Variants in MAP2K6 observed in about 807,000 individuals in gnomAD.
The protein encoded by MAP2K6 is dual specificity mitogen-activated protein kinase kinase 6.
MAP2K6 carries 16 observed loss-of-function variants against 53.7 expected under a neutral mutation model. The observed-to-expected ratio is 0.30, with a 90% CI of 0.20 to 0.45. The LOEUF (loss-of-function observed/expected upper bound fraction) is 0.45. MAP2K6 is among the 20% of genes least tolerant of loss of function. MAP2K6 has a pLI of 1.00. For missense variants in MAP2K6, 204 were observed against 411.9 expected (o/e 0.50, Z 4.37); for synonymous variants, 132 against 143.1 (o/e 0.92, Z 0.55).
At chr17:69,448,244 G>GTTTTTT (rs66982276) in intron 1 of MAP2K6, among the ~76,000 whole-genome samples, 1 of 138,862 alleles carries the variant, frequency 7.2e-6, no homozygotes, top group Admixed American at 7.1e-5. Context: ...TTTTGTTTTT[G>GTTTTTT]TTTTTTTTTT....
At chr17:69,538,783 G>T (rs1454053086) in intron 11 of MAP2K6, among the ~76,000 whole-genome samples, 1 of 152,184 alleles carries the variant, frequency 6.6e-6, no homozygotes, top group Non-Finnish European at 1.5e-5. Context: ...GTATGACTCA[G>T]TAGAATTTGT....
intron 1 of MAP2K6, among the ~76,000 whole-genome samples, chr17:69,427,557 G>C (rs530727924): frequency 8.5e-5 from 13 of 152,304 alleles, no homozygotes; most frequent in Admixed American, 7.8e-4. Context: ...ACAGTGGGCT[G>C]TTTCTCTGTG....
intron 1 of MAP2K6, among the ~76,000 whole-genome samples, chr17:69,474,881 T>G (rs12936335): frequency 0.14 from 20,801 of 152,224 alleles, 1,823 homozygotes; most frequent in Non-Finnish European, 0.19. Context: ...TCCCCTTTTT[T>G]CTTTAGAAGA....
chr17:69,494,117 G>A lies in MAP2K6; in HGVS notation c.17-11663G>A, dbSNP rs1489992171. On this transcript the variant is annotated intron_variant, in intron 1 of 11. Coordinates refer to ENST00000590474, the MANE Select transcript of MAP2K6 (RefSeq NM_002758.4). This position sits in a 1 kb window ranked among gnomAD's most constrained non-coding sequence, Gnocchi z 4.2. ...GGGATAAGAGCAGCAGAATCCAGTG[G>A]AAAAAACTACAGGACACATGGCCTG... 4.6e-5 allele frequency among the ~76,000 whole-genome samples: 7 copies of A among 152,192 alleles called. No homozygotes were observed. The highest frequency in any genetic ancestry group is 1.0e-4 in the Non-Finnish European group (7 of 68,036).
intron 2 of MAP2K6, among the ~76,000 whole-genome samples, chr17:69,506,635 T>A (rs544356688): frequency 6.6e-6 from 1 of 152,290 alleles, no homozygotes; most frequent in South Asian, 2.1e-4. Context: ...CAAAAGTGCC[T>A]CCCTTTGTGA....
chr17:69,501,741 T>C (rs1189774652), intron 1 of MAP2K6: 1 of 152,126 alleles, frequency 6.6e-6, no homozygotes, highest in Non-Finnish European at 1.5e-5. Context: ...CTTGTTGCGA[T>C]CTGCAGAAAT....
chr17:69,509,734 T>C (rs1359611970), intron 2 of MAP2K6, among the ~76,000 whole-genome samples: 1 of 152,198 alleles, frequency 6.6e-6, no homozygotes, highest in Non-Finnish European at 1.5e-5. Context: ...AGTCTTTCAC[T>C]ATTAAGTATG....
intron 11 of MAP2K6, among the ~76,000 whole-genome samples, chr17:69,539,544 C>T (rs907155007): frequency 6.6e-6 from 1 of 152,220 alleles, no homozygotes; most frequent in South Asian, 2.1e-4. Context: ...TCCCCTCCCC[C>T]TGCCCTTCTG....
intron 2 of MAP2K6, among the ~76,000 whole-genome samples, chr17:69,512,267 A>G (rs1309259397): frequency 1.3e-5 from 2 of 149,218 alleles, no homozygotes; most frequent in Non-Finnish European, 3.0e-5. Flanking sequence ...TTTACAGCAT[A>G]CTGTGCATGA....
intron 11 of MAP2K6, among the ~76,000 whole-genome samples, chr17:69,540,911 C>T (rs1422937843): frequency 6.6e-6 from 1 of 152,170 alleles, no homozygotes; most frequent in Non-Finnish European, 1.5e-5. Flanking sequence ...CTTCCTTGCA[C>T]GTTTACTGTT....
At chr17:69,508,839 A>G (rs1173412346) in intron 2 of MAP2K6, among the ~76,000 whole-genome samples, 3 of 152,218 alleles carry the variant, frequency 2.0e-5, no homozygotes, top group Non-Finnish European at 1.5e-5. Context: ...TGGGTTACCA[A>G]TTATTCTAGC....
chr17:69,515,088 G>C (rs1304648080), intron 2 of MAP2K6, among the ~76,000 whole-genome samples: 1 of 151,774 alleles, frequency 6.6e-6, no homozygotes, highest in African/African-American at 2.4e-5. Context: ...GGCAGCACCA[G>C]GATTCTTTCG....
chr17:69,463,760 C>T (rs1907708616), intron 1 of MAP2K6, among the ~76,000 whole-genome samples: 1 of 151,578 alleles, frequency 6.6e-6, no homozygotes, highest in African/African-American at 2.4e-5. Flanking sequence ...TGAAAATAAG[C>T]TATAACCAAC....
At chr17:69,501,917 TG>T (rs920505822) in intron 1 of MAP2K6, among the ~76,000 whole-genome samples, 14 of 129,794 alleles carry the variant, frequency 1.1e-4, no homozygotes, top group Middle Eastern at 4.2e-3. Context: ...CTCCCTCCCA[TG>T]TTTTTTTTTT....
At chr17:69,477,645 C>G (rs188645882) in intron 1 of MAP2K6, 1 of 152,178 alleles carries the variant, frequency 6.6e-6, no homozygotes, top group Non-Finnish European at 1.5e-5. Flanking sequence ...GAGGAAAATG[C>G]AGGCTTTGAA....
intron 1 of MAP2K6, among the ~76,000 whole-genome samples, chr17:69,416,803 TAGTC>T (rs988046095): frequency 7.6e-4 from 116 of 152,314 alleles, no homozygotes; most frequent in African/African-American, 2.6e-3. Context: ...ATTTGGGGGA[TAGTC>T]AGGAAGGTTT....
chr17:69,534,840 AT>A (rs1264309001), intron 10 of MAP2K6, among the ~76,000 whole-genome samples: 1 of 152,138 alleles, frequency 6.6e-6, no homozygotes, highest in African/African-American at 2.4e-5. Context: ...TTCATGTATG[AT>A]TTTGTGGTCC....
chr17:69,419,529 T>C (rs1906009423), intron 1 of MAP2K6, among the ~76,000 whole-genome samples: 1 of 152,258 alleles, frequency 6.6e-6, no homozygotes, highest in Non-Finnish European at 1.5e-5. Context: ...ATTAATATTC[T>C]ACTCTAATAT....
rs557833340 is a variant in MAP2K6 at position 69,497,301 on chromosome 17, T to C, written c.17-8479T>C. ...ACACAGAGGAAAGGTATTTATTGCATTGGGGACTTTCATGGAAGACTTCCT... is the reference window on the plus strand; with the variant it reads ...ACACAGAGGAAAGGTATTTATTGCACTGGGGACTTTCATGGAAGACTTCCT... On this transcript the variant is annotated intron_variant, in intron 1 of 11. Coordinates refer to ENST00000590474, the MANE Select transcript of MAP2K6 (RefSeq NM_002758.4). Among the ~76,000 whole-genome samples, 6 of 152,316 alleles carry C rather than the reference T, an allele frequency of 3.9e-5. No individual in the cohort carries two copies. The South Asian group carries it at 8.3e-4, about 21-fold the overall frequency.
Sources: allele counts gnomAD v4.1 joint callset (sites outside exome capture counted in the v4.1 genomes callset), GRCh38; gene constraint gnomAD v4.1.1; non-coding constraint Gnocchi (gnomAD v3.1); transcripts MANE v1.5; gene names NCBI Gene and HGNC (gene_info 2026-07-23, HGNC 2026-07-21).